The following KCTD21 variants were observed in gnomAD, a reference collection of about 807,000 sequenced individuals.
KCTD21 encodes BTB/POZ domain-containing protein KCTD21.
KCTD21 carries 9 observed loss-of-function variants against 13.2 expected under a neutral mutation model. The ratio of observed to expected loss-of-function variants is 0.68; its 90% CI spans 0.41 to 1.19. The LOEUF (loss-of-function observed/expected upper bound fraction) is 1.19. Ranked by LOEUF, KCTD21 falls within the 50% of genes most tolerant of loss-of-function variation. KCTD21 has a pLI of 0.01. For missense variants in KCTD21, 303 were observed against 336.5 expected, an observed-to-expected ratio of 0.90 and a Z score of 0.78; for synonymous variants, 142 against 137.4, an observed-to-expected ratio of 1.03 and a Z score of -0.23.
At chr11:78,180,947 C>T in intron 1 of KCTD21, among the ~76,000 whole-genome samples, 1 of 152,168 alleles carries the variant, frequency 6.6e-6, no homozygotes, top group Non-Finnish European at 1.5e-5. Context: ...TTTCCCCCTT[C>T]GCTTGGCACT....
At chr11:78,181,352 C>T (rs1373677336) in intron 1 of KCTD21, among the ~76,000 whole-genome samples, 1 of 152,264 alleles carries the variant, frequency 6.6e-6, no homozygotes, top group East Asian at 1.9e-4. Flanking sequence ...AAAGACATTA[C>T]CACATACATG....
chr11:78,173,652 C>T lies in KCTD21; in HGVS notation c.*120G>A. The stretch of plus-strand genomic sequence containing the variant: ...TCATCATGGGGGGAATCAAGTCCTG[C>T]TACACAATTAATACAGATTAGTATA... On this transcript the variant is annotated 3_prime_UTR_variant, in exon 2 of 2. Transcript: ENST00000340067. 2.4e-6 allele frequency: 2 copies of T among 832,714 alleles called. No homozygotes were observed. The highest frequency in any genetic ancestry group is 3.8e-6 in the Non-Finnish European group (2 of 524,618). 51.6% of individuals were successfully genotyped at this position (832,714 alleles called of 1,614,324 possible).
Position 78,171,705 on chromosome 11 carries a change from A to C in KCTD21, c.*2067T>G, listed in dbSNP as rs1223893476. 4 of 152,200 alleles carry C rather than the reference A, an allele frequency of 2.6e-5. No homozygotes were observed. Among genetic ancestry groups the C allele is most frequent in the African/African-American group, 4.8e-5 (2 of 41,444 alleles). The allele number at this position is 152,200 out of a possible 1,614,324, so 9.4% of individuals were successfully genotyped here. A position where few individuals can be genotyped will look rare whatever the true frequency, so the allele number is the denominator to read the frequency against. The stretch of plus-strand genomic sequence containing the variant: ...ACTGCAACCTCTGCTATCTGGGTTC[A>C]AGCGATTCTACTGCCTCAGCCTCCC... On this transcript the variant is annotated 3_prime_UTR_variant, in exon 2 of 2. Coordinates refer to ENST00000340067, the MANE Select transcript of KCTD21 (RefSeq NM_001029859.3).
chr11:78,173,639 G>T lies in KCTD21; in HGVS notation c.*133C>A. 1 of 765,194 alleles carries T rather than the reference G, an allele frequency of 1.3e-6. No homozygotes were observed. The highest frequency in any genetic ancestry group is 2.1e-6 in the Non-Finnish European group (1 of 465,136). 47.4% of individuals were successfully genotyped at this position (765,194 alleles called of 1,614,324 possible). ...CAAAAGGTGGACTTCATCATGGGGG[G>T]AATCAAGTCCTGCTACACAATTAAT... is the stretch of plus-strand genomic sequence containing the variant. On this transcript the variant is annotated 3_prime_UTR_variant, in exon 2 of 2. Transcript: ENST00000340067.
intron 1 of KCTD21, among the ~76,000 whole-genome samples, chr11:78,183,950 T>C (rs1590883175): frequency 6.6e-6 from 1 of 152,296 alleles, no homozygotes; most frequent in South Asian, 2.1e-4. Flanking sequence ...AAATTAATTC[T>C]ATAAAAAAGA....
Position 78,188,387 on chromosome 11 carries a change from A to C in KCTD21, c.-30+186T>G, listed in dbSNP as rs945529648. 6 of 984,826 alleles carry C rather than the reference A, an allele frequency of 6.1e-6. No individual in the cohort carries two copies. The Admixed American group carries it at 3.1e-4, about 51-fold the overall frequency. The allele number at this position is 984,826 out of a possible 1,614,324, so 61.0% of individuals were successfully genotyped here. ...CCCCGCCCCTCTAAGAGCTCTGCCC[A>C]CTTCGGCTCACCTCGCTCCGAAACG... On this transcript the variant is annotated intron_variant, in intron 1 of 1. Coordinates refer to ENST00000340067, the MANE Select transcript of KCTD21 (RefSeq NM_001029859.3).
intron 1 of KCTD21, among the ~76,000 whole-genome samples, chr11:78,182,982 C>G (rs967358732): frequency 6.6e-6 from 1 of 152,208 alleles, no homozygotes; most frequent in Non-Finnish European, 1.5e-5. Flanking sequence ...AATAAATGTA[C>G]TGAGTAATGA....
Position 78,173,138 on chromosome 11 carries a change from T to C in KCTD21, c.*634A>G, listed in dbSNP as rs1244155910. 1.3e-5 allele frequency: 2 copies of C among 152,286 alleles called. No homozygotes were observed. Among genetic ancestry groups the C allele is most frequent in the African/African-American group, 4.8e-5 (2 of 41,402 alleles). 9.4% of individuals were successfully genotyped at this position (152,286 alleles called of 1,614,324 possible). On this transcript the variant is annotated 3_prime_UTR_variant, in exon 2 of 2. Transcript: ENST00000340067. ...GATTCAGCCCTATCAAGAGGGACAT[T>C]CCTACCTTCTGAACTCTGCCTGGAC...
intron 1 of KCTD21, chr11:78,186,792 G>A (rs890032618): frequency 4.1e-6 from 4 of 985,290 alleles, no homozygotes; most frequent in Non-Finnish European, 4.8e-6. Flanking sequence ...TCTCTCAGCT[G>A]GAATTCATTC....
At chr11:78,181,072 C>T (rs992187815) in intron 1 of KCTD21, among the ~76,000 whole-genome samples, 2 of 152,190 alleles carry the variant, frequency 1.3e-5, no homozygotes, top group African/African-American at 4.8e-5. Context: ...AAACCTCTTT[C>T]CTTTGTAAAT....
chr11:78,186,103 T>A (rs1162403314), intron 1 of KCTD21, among the ~76,000 whole-genome samples: 1 of 151,464 alleles, frequency 6.6e-6, no homozygotes, highest in African/African-American at 2.4e-5. Context: ...CAGGCCAGGC[T>A]CAGTGGCTCA....
chr11:78,188,477 G>A, intron 1 of KCTD21, 96 bp downstream of exon 1: 1 of 985,264 alleles, frequency 1.0e-6, no homozygotes, highest in Non-Finnish European at 1.2e-6. Context: ...GCGAGGCTGG[G>A]ATAGATTAGT....
chr11:78,175,310 T>G (rs1862418441), intron 1 of KCTD21: 1 of 128,246 alleles, frequency 7.8e-6, no homozygotes, highest in African/African-American at 3.0e-5. Flanking sequence ...ACAACAAGAG[T>G]GAAACTCTGT....
chr11:78,187,715 A>C, intron 1 of KCTD21: 1 of 985,398 alleles, frequency 1.0e-6, no homozygotes, highest in Non-Finnish European at 1.2e-6. Context: ...GTACTATAGG[A>C]GGGCTGCCTT....
At chr11:78,177,762 G>C (rs1438763532) in intron 1 of KCTD21, 1 of 152,308 alleles carries the variant, frequency 6.6e-6, no homozygotes, top group African/African-American at 2.4e-5. Context: ...AAAGAAGCGG[G>C]TGTCAGAGAG....
intron 1 of KCTD21, chr11:78,178,118 A>G (rs1862507475): frequency 6.9e-6 from 1 of 144,698 alleles, no homozygotes; most frequent in East Asian, 2.0e-4. Context: ...TCAGTCCTCT[A>G]AGCCCTTCTT....
Position 78,173,843 on chromosome 11 carries a change from T to A in KCTD21, c.712A>T (p.Ile238Phe). 1 of 1,614,192 alleles carries A rather than the reference T, an allele frequency of 6.2e-7. No individual in the cohort carries two copies. The highest frequency in any genetic ancestry group is 8.5e-7 in the Non-Finnish European group (1 of 1,180,040). The stretch of plus-strand genomic sequence containing the variant: ...AGAGCATGTGGGTGAGAAGAATCGA[T>A]GCAGAAGCCATCGCTCAGAGCGATT... ...LKIALSDGFC[I>F]DSSHPHALDF... Residue 238 changes from isoleucine (I) to phenylalanine (F), a missense_variant, in exon 2 of 2, where the codon ATC (isoleucine) becomes TTC (phenylalanine). By Grantham distance (21) the Ile-to-Phe change is conservative. Transcript: ENST00000340067.
chr11:78,186,220 A>G (rs1862758295), intron 1 of KCTD21, among the ~76,000 whole-genome samples: 1 of 151,338 alleles, frequency 6.6e-6, no homozygotes. Context: ...ATAGAGAAAA[A>G]AAAAAATTAG....
intron 1 of KCTD21, chr11:78,186,917 C>G: frequency 1.0e-6 from 1 of 985,462 alleles, no homozygotes; most frequent in Non-Finnish European, 1.2e-6. Flanking sequence ...CTTTCTATAT[C>G]CACAGAAGCA....
Sources: gnomAD v4.1 joint callset for allele counts (sites outside exome capture counted in the v4.1 genomes callset) on GRCh38, gnomAD v4.1.1 for gene constraint, MANE v1.5 for transcripts, NCBI Gene and HGNC (gene_info 2026-07-23, HGNC 2026-07-21) for gene names.